The following MTRF1 variants were observed in gnomAD, a reference collection of about 807,000 sequenced individuals.
The protein encoded by MTRF1 is peptide chain release factor 1, mitochondrial.
Under a neutral mutation model 62.9 loss-of-function variants are expected in MTRF1, and 51 were observed. The ratio of observed to expected loss-of-function variants is 0.81; its 90% CI spans 0.65 to 1.02. The LOEUF (loss-of-function observed/expected upper bound fraction) is 1.02. MTRF1 is among the 50% of genes least tolerant of loss of function. The probability of loss-of-function intolerance (pLI) is 0.00; values close to 1 mark genes in which losing one functional copy is unlikely to be tolerated. For synonymous variants in MTRF1, 158 were observed against 181.9 expected, an observed-to-expected ratio of 0.87 and a Z score of 1.06; for missense variants, 446 against 530.0, an observed-to-expected ratio of 0.84 and a Z score of 1.56.
intron 7 of MTRF1, among the ~76,000 whole-genome samples, chr13:41,230,548 G>C (rs2035347882): frequency 6.7e-6 from 1 of 149,950 alleles, no homozygotes; most frequent in Admixed American, 6.6e-5. Context: ...ACAGGCGTGA[G>C]CCACTGCACC....
chr13:41,253,145 C>T (rs1282471418), intron 3 of MTRF1, 115 bp from the exon 4 acceptor site: 4 of 724,416 alleles, frequency 5.5e-6, no homozygotes, highest in Non-Finnish European at 9.0e-6. Flanking sequence ...CATATAGTAT[C>T]CCAAACAGGG....
chr13:41,230,151 T>A (rs1408861674), intron 7 of MTRF1, among the ~76,000 whole-genome samples: 1 of 151,882 alleles, frequency 6.6e-6, no homozygotes, highest in Non-Finnish European at 1.5e-5. Flanking sequence ...AAATGGCATA[T>A]TTTTATATGT....
At chr13:41,230,098 C>T (rs2035248174) in intron 7 of MTRF1, among the ~76,000 whole-genome samples, 1 of 146,414 alleles carries the variant, frequency 6.8e-6, no homozygotes, top group African/African-American at 2.5e-5. Context: ...AGCTAGACTC[C>T]ATCTAAGAAA....
chr13:41,223,731 T>A (rs374969332), intron 8 of MTRF1, among the ~76,000 whole-genome samples: 126 of 152,362 alleles, frequency 8.3e-4, no homozygotes, highest in African/African-American at 2.9e-3. Context: ...CTGAGTTTAC[T>A]ATGCCAGGCT....
chr13:41,229,251 T>C (rs1399452450), intron 7 of MTRF1: 1 of 152,202 alleles, frequency 6.6e-6, no homozygotes, highest in Non-Finnish European at 1.5e-5. Flanking sequence ...AGAGTGGTAT[T>C]TCGATACAAT....
At chr13:41,285,202 T>C in the MTRF1 span, among the ~76,000 whole-genome samples, 1 of 152,196 alleles carries the variant, frequency 6.6e-6, no homozygotes, top group African/African-American at 2.4e-5. Flanking sequence ...TATCCTCTAA[T>C]GAAAAAGGAC....
chr13:41,266,928 G>C (rs1026482330), upstream of MTRF1, among the ~76,000 whole-genome samples: 6 of 144,066 alleles, frequency 4.2e-5, no homozygotes, highest in Non-Finnish European at 9.0e-5. Context: ...CTGGGAGGCA[G>C]AGTTTGCAGT....
the MTRF1 span, among the ~76,000 whole-genome samples, chr13:41,273,457 C>T: frequency 1.3e-5 from 2 of 152,220 alleles, no homozygotes; most frequent in South Asian, 4.1e-4. Context: ...TGAGGACACG[C>T]ACCTGTGACA....
At chr13:41,286,088 C>CAAAAAA in the MTRF1 span, among the ~76,000 whole-genome samples, 74 of 109,728 alleles carry the variant, frequency 6.7e-4, no homozygotes, top group Non-Finnish European at 8.2e-4. Context: ...ACAACAACAA[C>CAAAAAA]AAAAAAAAAA....
chr13:41,265,807 A>T (rs1469209697), upstream of MTRF1, among the ~76,000 whole-genome samples: 1 of 152,102 alleles, frequency 6.6e-6, no homozygotes, highest in Non-Finnish European at 1.5e-5. Context: ...GCTAAGAAAC[A>T]AATTTCTGTT....
At chr13:41,258,577 AAAAAAAAAAACAT>A in intron 2 of MTRF1, among the ~76,000 whole-genome samples, 1 of 40,962 alleles carries the variant, frequency 2.4e-5, no homozygotes, top group South Asian at 1.0e-3. Context: ...AAAAAAAACA[AAAAAAAAAAACAT>A]AAAAAATAAA....
At chr13:41,300,631 A>C in the MTRF1 span, among the ~76,000 whole-genome samples, 1 of 151,868 alleles carries the variant, frequency 6.6e-6, no homozygotes, top group African/African-American at 2.4e-5. Context: ...GCTGGGCCTG[A>C]ACTCCTGGCC....
chr13:41,310,752 C>A, the MTRF1 span, among the ~76,000 whole-genome samples: 1 of 152,128 alleles, frequency 6.6e-6, no homozygotes, highest in African/African-American at 2.4e-5. Context: ...TACTTAGAGT[C>A]TGAATCAAGG....
chr13:41,262,536 T>A (rs2040584456), intron 1 of MTRF1: 1 of 152,180 alleles, frequency 6.6e-6, no homozygotes, highest in Non-Finnish European at 1.5e-5. Context: ...AAATTGGCTG[T>A]GTACAATAAT....
the MTRF1 span, among the ~76,000 whole-genome samples, chr13:41,289,606 A>C: frequency 6.6e-6 from 1 of 152,208 alleles, no homozygotes; most frequent in African/African-American, 2.4e-5. Context: ...GCTCCAAAGC[A>C]CTTCTCAAAG....
intron 2 of MTRF1, among the ~76,000 whole-genome samples, chr13:41,256,157 G>T (rs1348812082): frequency 6.6e-6 from 1 of 152,130 alleles, no homozygotes; most frequent in Admixed American, 6.5e-5. Context: ...GCCTCAAGTG[G>T]CCCAGTCTGG....
intron 9 of MTRF1, among the ~76,000 whole-genome samples, chr13:41,222,955 C>T (rs2033697119): frequency 6.6e-6 from 1 of 152,100 alleles, no homozygotes; most frequent in African/African-American, 2.4e-5. Flanking sequence ...TAATTTGTTA[C>T]CTGTCAATAG....
chr13:41,266,495 C>G (rs903538077), upstream of MTRF1, among the ~76,000 whole-genome samples: 1 of 151,868 alleles, frequency 6.6e-6, no homozygotes, highest in African/African-American at 2.4e-5. Flanking sequence ...ACCTGTAATC[C>G]CAGCTACTCA....
chr13:41,260,869 TG>T lies in MTRF1; in HGVS notation c.38del (p.Pro13HisfsTer41). On this transcript the variant is annotated frameshift_variant, in exon 2 of 10. Transcript: ENST00000379480. LOFTEE classifies it high-confidence loss of function. ...GACACTGGAGGTAACCATTAAGAGA[TG>T]GATGTCTAAAAAGCCAAACACACAG... ...RHLCVWLFRH[P>X]SLNGYLQCHI... 6.2e-7 allele frequency: 1 copy of T among 1,610,548 alleles called. No homozygotes were observed.
Sources: allele counts gnomAD v4.1 joint callset (sites outside exome capture counted in the v4.1 genomes callset), GRCh38; gene constraint gnomAD v4.1.1; transcripts MANE v1.5; gene names NCBI Gene and HGNC (gene_info 2026-07-23, HGNC 2026-07-21).